The following GALNT2 variants were observed in gnomAD, a reference collection of about 807,000 sequenced individuals.
GALNT2 encodes the protein UDP-GalNAc:polypeptide N-acetylgalactosaminyltransferase 2.
A neutral mutation model predicts 81.4 loss-of-function variants in GALNT2; 31 were observed. The ratio of observed to expected loss-of-function variants is 0.38; its 90% CI spans 0.29 to 0.51. The LOEUF is 0.51. Among genes scored for constraint, GALNT2 ranks in the 20% least tolerant of loss-of-function variants. The probability of loss-of-function intolerance (pLI) is 0.87; values close to 1 mark genes in which losing one functional copy is unlikely to be tolerated. For missense variants in GALNT2, 629 were observed against 765.7 expected (o/e 0.82, Z 2.11); for synonymous variants, 303 against 287.4 (o/e 1.05, Z -0.55).
intron 1 of GALNT2, among the ~76,000 whole-genome samples, chr1:230,060,106 A>G (rs547251987): frequency 6.6e-6 from 1 of 152,334 alleles, no homozygotes; most frequent in East Asian, 1.9e-4. Flanking sequence ...CTTCAGGTCC[A>G]TTAATCTGGG....
In GALNT2 at chr1:230,257,429, G is replaced by A. The variant is rs1036238627; in HGVS notation, c.1136+2085G>A. Among the ~76,000 whole-genome samples the A allele has an allele frequency of 1.3e-5, 2 of 152,168 alleles. No homozygotes were observed. Among genetic ancestry groups the A allele is most frequent in the African/African-American group, 4.8e-5 (2 of 41,424 alleles). On this transcript the variant is annotated intron_variant, in intron 11 of 15. Coordinates refer to ENST00000366672, the MANE Select transcript of GALNT2 (RefSeq NM_004481.5). This position sits in a 1 kb window ranked among gnomAD's most constrained non-coding sequence, Gnocchi z 4.6. ...AGTAGTCCCATAAGATTATAATACCGTGTGTTTACTCTACCTTTTCTTTGT... is the reference window on the plus strand; with the variant it reads ...AGTAGTCCCATAAGATTATAATACCATGTGTTTACTCTACCTTTTCTTTGT...
At chr1:230,200,825 A>G (rs1663869954) in intron 2 of GALNT2, among the ~76,000 whole-genome samples, 2 of 152,334 alleles carry the variant, frequency 1.3e-5, no homozygotes, top group Admixed American at 6.5e-5. Context: ...CTGGCTGCGC[A>G]TGGGACTCCG....
intron 1 of GALNT2, among the ~76,000 whole-genome samples, chr1:230,128,008 A>G (rs901016421): frequency 4.4e-5 from 6 of 137,078 alleles, no homozygotes; most frequent in African/African-American, 1.5e-4. Flanking sequence ...GCAGGCACAG[A>G]CTGAATGGGA....
rs564939477 is a variant in GALNT2 at position 230,277,269 on chromosome 1, C to A, written c.1561-2034C>A. On this transcript the variant is annotated intron_variant, in intron 15 of 15. Transcript: ENST00000366672. The stretch of plus-strand genomic sequence containing the variant: ...GAAAATCTGCGCTCCCCACCCCCAA[C>A]CACAATCCCATCAGACAGACAGATC... Among the ~76,000 whole-genome samples, 5 of 152,302 alleles carry A rather than the reference C, an allele frequency of 3.3e-5. No individual in the cohort carries two copies. The East Asian group carries it at 9.6e-4, about 29-fold the overall frequency.
intron 1 of GALNT2, among the ~76,000 whole-genome samples, chr1:230,136,060 C>T (rs1021137845): frequency 6.6e-6 from 1 of 152,060 alleles, no homozygotes; most frequent in Non-Finnish European, 1.5e-5. Flanking sequence ...TATTCTGGAG[C>T]GTTGTCAGGA....
chr1:230,273,151 T>G (rs1666197718), intron 14 of GALNT2, among the ~76,000 whole-genome samples: 1 of 152,212 alleles, frequency 6.6e-6, no homozygotes, highest in Non-Finnish European at 1.5e-5. Flanking sequence ...CAGTGAGGCT[T>G]CTTTAAACAC....
chr1:230,155,237 C>T (rs2102839979), intron 1 of GALNT2, among the ~76,000 whole-genome samples: 1 of 152,332 alleles, frequency 6.6e-6, no homozygotes, highest in Middle Eastern at 3.4e-3. Context: ...CGTTTGGGGC[C>T]TGCATGGGGT....
chr1:230,252,485 A>G (rs1162963187), intron 10 of GALNT2, among the ~76,000 whole-genome samples: 1 of 152,192 alleles, frequency 6.6e-6, no homozygotes, highest in Non-Finnish European at 1.5e-5. Flanking sequence ...GGATGATGCT[A>G]AGTACTTCCA....
At chr1:230,083,345 C>T (rs528782337) in intron 1 of GALNT2, among the ~76,000 whole-genome samples, 52 of 132,000 alleles carry the variant, frequency 3.9e-4, no homozygotes, top group African/African-American at 1.3e-3. Context: ...GCAGGGGAGC[C>T]GGGATGAGGG....
At chr1:230,130,796 TA>T (rs1335777476) in intron 1 of GALNT2, among the ~76,000 whole-genome samples, 3 of 152,144 alleles carry the variant, frequency 2.0e-5, no homozygotes, top group African/African-American at 7.2e-5. Flanking sequence ...TAAACCACTT[TA>T]ATGAGTTTAT....
chr1:230,236,186 G>T lies in GALNT2; in HGVS notation c.473+74G>T, dbSNP rs1665024548. 11 of 1,479,210 alleles carry T rather than the reference G, an allele frequency of 7.4e-6. No individual in the cohort carries two copies. In the Admixed American group the frequency reaches 1.6e-4, roughly 21 times the overall value. 91.6% of individuals were successfully genotyped at this position (1,479,210 alleles called of 1,614,324 possible). On this transcript the variant is annotated intron_variant, in intron 4 of 15. Transcript: ENST00000366672. ...GTGTCCCAGGCACAGTCAGACCAGG[G>T]CTGTCAGTGGGGGCTGCAGACAGGG... is the stretch of plus-strand genomic sequence containing the variant.
intron 11 of GALNT2, chr1:230,262,284 A>T (rs775842941): frequency 1.7e-4 from 65 of 381,622 alleles, no homozygotes; most frequent in Non-Finnish European, 2.8e-4. Context: ...CTCCTTTAAA[A>T]TATTGGCTCG....
chr1:230,176,777 C>G (rs1277013833), intron 1 of GALNT2, among the ~76,000 whole-genome samples: 1 of 152,114 alleles, frequency 6.6e-6, no homozygotes, highest in East Asian at 1.9e-4. Context: ...AACTTTTTTG[C>G]AGTAAAAATT....
Position 230,136,806 on chromosome 1 carries a change from A to G in GALNT2, c.127-41412A>G, listed in dbSNP as rs527477006. 1.4e-4 allele frequency among the ~76,000 whole-genome samples: 21 copies of G among 152,306 alleles called. No individual in the cohort carries two copies. The South Asian group carries it at 4.1e-3, about 30-fold the overall frequency. On this transcript the variant is annotated intron_variant, in intron 1 of 15. Transcript: ENST00000366672. Reference sequence around the variant, plus strand: ...CTAGTGCCATTGTACGGGAAGCTCAATGGCATTTATCTGGTCCAAGGTCAT... The same window carrying G: ...CTAGTGCCATTGTACGGGAAGCTCAGTGGCATTTATCTGGTCCAAGGTCAT...
intron 3 of GALNT2, among the ~76,000 whole-genome samples, chr1:230,219,086 T>G (rs1664471591): frequency 6.6e-6 from 1 of 152,218 alleles, no homozygotes; most frequent in Non-Finnish European, 1.5e-5. Flanking sequence ...AAAATTGTCT[T>G]CCATGAAACT....
At chr1:230,072,735 C>T (rs757448067) in intron 1 of GALNT2, among the ~76,000 whole-genome samples, 1 of 152,186 alleles carries the variant, frequency 6.6e-6, no homozygotes, top group Non-Finnish European at 1.5e-5. Context: ...CCTTGAGACC[C>T]CCTGAGTGCC....
At chr1:230,235,393 G>C (rs1015027480) in intron 3 of GALNT2, among the ~76,000 whole-genome samples, 2 of 152,118 alleles carry the variant, frequency 1.3e-5, no homozygotes, top group Non-Finnish European at 2.9e-5. Context: ...GAAGAGGAGA[G>C]CTCAGGCAGG....
chr1:230,157,054 A>C (rs1463454290), intron 1 of GALNT2, among the ~76,000 whole-genome samples: 2 of 152,194 alleles, frequency 1.3e-5, no homozygotes, highest in Non-Finnish European at 2.9e-5. Flanking sequence ...TCCCTGCAGG[A>C]GTAAATAAGA....
At chr1:230,065,456 C>G (rs1190488117), upstream of GALNT2, among the ~76,000 whole-genome samples, 1 of 151,922 alleles carries the variant, frequency 6.6e-6, no homozygotes, top group African/African-American at 2.4e-5. Context: ...TATACAAATA[C>G]GTGACACTTT....
Sources: gnomAD v4.1 joint callset for allele counts (sites outside exome capture counted in the v4.1 genomes callset) on GRCh38, gnomAD v4.1.1 for gene constraint, Gnocchi (gnomAD v3.1) non-coding constraint, MANE v1.5 for transcripts, NCBI Gene and HGNC (gene_info 2026-07-23, HGNC 2026-07-21) for gene names.